The following HEATR3 variants were observed in gnomAD, a reference collection of about 807,000 sequenced individuals.
HEATR3 encodes the protein HEAT repeat containing 3, also known as HEAT repeat-containing protein 3.
HEATR3 carries 56 observed loss-of-function variants against 72.8 expected under a neutral mutation model. The observed-to-expected ratio is 0.77, with a 90% CI of 0.62 to 0.96. The LOEUF (loss-of-function observed/expected upper bound fraction) is 0.96. Among genes scored for constraint, HEATR3 ranks in the 40% least tolerant of loss-of-function variants. The pLI, the probability that HEATR3 is intolerant of heterozygous loss-of-function variation, is 0.00. For synonymous variants in HEATR3, 331 were observed against 318.1 expected (o/e 1.04, Z -0.43); for missense variants, 747 against 831.4 (o/e 0.90, Z 1.25).
Position 50,106,464 on chromosome 16 carries a change from G to A in HEATR3, c.*1403G>A, listed in dbSNP as rs2037488908. 6.6e-6 allele frequency: 1 copy of A among 152,124 alleles called. No homozygotes were observed. Among genetic ancestry groups the A allele is most frequent in the Admixed American group, 6.6e-5 (1 of 15,260 alleles). 9.4% of individuals were successfully genotyped at this position (152,124 alleles called of 1,614,324 possible). A position where few individuals can be genotyped will look rare whatever the true frequency, so the allele number is the denominator to read the frequency against. ...TAGAAAATGAGATGATACTATTCGT[G>A]GATATTTGTTTGCTAATGCATATTG... On this transcript the variant is annotated 3_prime_UTR_variant, in exon 15 of 15. Transcript: ENST00000299192.
intron 11 of HEATR3, among the ~76,000 whole-genome samples, chr16:50,091,108 C>T (rs1395863464): frequency 6.6e-6 from 1 of 151,752 alleles, no homozygotes. Flanking sequence ...TGCACCACTG[C>T]ACTCCAGCCT....
At chr16:50,094,884 A>G (rs2037198514) in intron 12 of HEATR3, 91 bp downstream of exon 12, 1 of 670,392 alleles carries the variant, frequency 1.5e-6, no homozygotes, top group Non-Finnish European at 2.6e-6. Flanking sequence ...AAAAATACAT[A>G]TTTCTGTTAC....
rs1417637150 is a variant in HEATR3 at position 50,084,234 on chromosome 16, C to T, written c.1233C>T (p.Pro411=). The part of the protein sequence containing the change: ...FSECGGQLFS[P]LCLSHEVHTA... The stretch of plus-strand genomic sequence containing the variant: ...AGTGCGGGGGACAGCTGTTTTCTCC[C>T]CTCTGCCTCTCCCATGAAGTTCACA... The change falls in exon 9 of 15, where the codon CCC becomes CCT. Residue 411 remains proline (P), a synonymous_variant. Coordinates refer to ENST00000299192, the MANE Select transcript of HEATR3 (RefSeq NM_182922.4). 1 of 1,614,102 alleles carries T rather than the reference C, an allele frequency of 6.2e-7. No individual in the cohort carries two copies. The highest frequency in any genetic ancestry group is 1.1e-5 in the South Asian group (1 of 91,084).
At chr16:50,098,973 T>C (rs567205390) in intron 12 of HEATR3, among the ~76,000 whole-genome samples, 74 of 152,192 alleles carry the variant, frequency 4.9e-4, no homozygotes, top group African/African-American at 1.8e-3. Context: ...TCTTAATGCT[T>C]TTAAAATTTT....
intron 12 of HEATR3, among the ~76,000 whole-genome samples, chr16:50,099,618 G>C (rs989614536): frequency 2.0e-5 from 3 of 152,068 alleles, no homozygotes; most frequent in African/African-American, 4.8e-5. Flanking sequence ...TCACTCTGTT[G>C]CCCAGGCTAG....
chr16:50,075,921 A>G (rs1174281384), intron 6 of HEATR3, among the ~76,000 whole-genome samples: 1 of 152,238 alleles, frequency 6.6e-6, no homozygotes, highest in Non-Finnish European at 1.5e-5. Flanking sequence ...CGAATTTAAC[A>G]AACTACTGTT....
chr16:50,066,697 G>A, intron 2 of HEATR3, 158 bp downstream of exon 2: 1 of 634,438 alleles, frequency 1.6e-6, no homozygotes, highest in Non-Finnish European at 2.3e-6. Flanking sequence ...AGGCTCCGGA[G>A]AAGCCCAGTA....
At chr16:50,088,003 T>C (rs949973468) in intron 11 of HEATR3, among the ~76,000 whole-genome samples, 2 of 152,130 alleles carry the variant, frequency 1.3e-5, no homozygotes, top group African/African-American at 4.8e-5. Context: ...GGCAGGCACC[T>C]GTAATCCCAG....
intron 12 of HEATR3, among the ~76,000 whole-genome samples, chr16:50,099,714 G>C (rs1215293836): frequency 6.6e-6 from 1 of 152,202 alleles, no homozygotes; most frequent in Non-Finnish European, 1.5e-5. Flanking sequence ...GAGTAGCTGA[G>C]ATTGCAGGCG....
chr16:50,081,935 C>T (rs185421767), intron 7 of HEATR3, among the ~76,000 whole-genome samples: 7 of 152,320 alleles, frequency 4.6e-5, no homozygotes, highest in African/African-American at 1.7e-4. Flanking sequence ...GATGTCATAA[C>T]ATTTCGTCTA....
At chr16:50,100,454 T>G (rs1329112025) in intron 13 of HEATR3, 81 bp downstream of exon 13, 3 of 1,369,950 alleles carry the variant, frequency 2.2e-6, no homozygotes, top group Non-Finnish European at 3.1e-6. Flanking sequence ...TTCTTAAAAC[T>G]TGTGTGGACT....
At chr16:50,071,638 G>A (rs2036613435) in intron 4 of HEATR3, among the ~76,000 whole-genome samples, 1 of 151,966 alleles carries the variant, frequency 6.6e-6, no homozygotes, top group African/African-American at 2.4e-5. Flanking sequence ...ACACATATAT[G>A]CCTTGTCTTC....
chr16:50,095,875 C>T (rs144563521), intron 12 of HEATR3, among the ~76,000 whole-genome samples: 3 of 152,242 alleles, frequency 2.0e-5, no homozygotes, highest in African/African-American at 7.2e-5. Context: ...GTATGCATGT[C>T]TGACAGAAAA....
rs771441032 is a variant in HEATR3 at position 50,083,977 on chromosome 16, C to G, written c.1082C>G (p.Thr361Arg). Residue 361 changes from threonine (T) to arginine (R), a missense_variant, in exon 8 of 15, where the codon ACA (threonine) becomes AGA (arginine). Coordinates refer to ENST00000299192, the MANE Select transcript of HEATR3 (RefSeq NM_182922.4). ...CTGAGAGAGACTATAGCATTGCTGA[C>G]AGCCCAACAGACTGCTCTGGAAATT... ...KELRETIALL[T>R]AQQTALEIIV... 2 of 1,612,432 alleles carry G rather than the reference C, an allele frequency of 1.2e-6. No homozygotes were observed. Among genetic ancestry groups the G allele is most frequent in the African/African-American group, 1.3e-5 (1 of 74,414 alleles).
intron 6 of HEATR3, 84 bp from the exon 7 acceptor site, chr16:50,078,656 CT>C: frequency 1.3e-5 from 18 of 1,367,970 alleles, no homozygotes; most frequent in Non-Finnish European, 1.7e-5. Flanking sequence ...TTACACTGGC[CT>C]TAAAAGCTCC....
At chr16:50,096,905 C>G (rs932325453) in intron 12 of HEATR3, among the ~76,000 whole-genome samples, 1 of 152,184 alleles carries the variant, frequency 6.6e-6, no homozygotes. Context: ...TCCCCATACA[C>G]TTACCCATTG....
intron 11 of HEATR3, among the ~76,000 whole-genome samples, chr16:50,091,246 C>A (rs1316910272): frequency 6.6e-6 from 1 of 152,130 alleles, no homozygotes; most frequent in Admixed American, 6.5e-5. Flanking sequence ...GTGGGCAGAT[C>A]ACCTGAGGTC....
At chr16:50,075,494 T>C (rs148876644) in intron 5 of HEATR3, 77 bp from the exon 6 acceptor site, 1 of 1,326,360 alleles carries the variant, frequency 7.5e-7, no homozygotes, top group Non-Finnish European at 1.1e-6. Context: ...TACAATGTTT[T>C]ATTGATGAGT....
At chr16:50,100,748 T>C (rs1298899556) in intron 13 of HEATR3, 1 of 232,584 alleles carries the variant, frequency 4.3e-6, no homozygotes, top group African/African-American at 2.4e-5. Flanking sequence ...ACCATTTTCC[T>C]TGCACACCAG....
Sources: gnomAD v4.1 joint callset for allele counts (sites outside exome capture counted in the v4.1 genomes callset) on GRCh38, gnomAD v4.1.1 for gene constraint, MANE v1.5 for transcripts, NCBI Gene and HGNC (gene_info 2026-07-23, HGNC 2026-07-21) for gene names.